Variants in CHODL observed in about 807,000 individuals in gnomAD.
The protein encoded by CHODL is chondrolectin, also known as transmembrane protein MT75.
CHODL carries 29 observed loss-of-function variants against 34.5 expected under a neutral mutation model. The ratio of observed to expected loss-of-function variants is 0.84; its 90% CI spans 0.63 to 1.15. CHODL has a LOEUF of 1.15. Among genes scored for constraint, CHODL ranks in the 50% most tolerant of loss-of-function variants. The pLI, the probability that CHODL is intolerant of heterozygous loss-of-function variation, is 0.00. For missense variants in CHODL, 332 were observed against 332.5 expected, an observed-to-expected ratio of 1.00 and a Z score of 0.01; for synonymous variants, 125 against 116.1, an observed-to-expected ratio of 1.08 and a Z score of -0.49.
intron 2 of CHODL, among the ~76,000 whole-genome samples, chr21:18,185,101 G>A (rs1008852969): frequency 2.3e-4 from 35 of 152,038 alleles, no homozygotes; most frequent in African/African-American, 8.0e-4. Context: ...GTATACACGT[G>A]CCATGGTGGT....
At position 18,245,039 on chromosome 21, in the gene CHODL, A is replaced by C; in HGVS notation, c.-185A>C. 2.0e-6 allele frequency: 1 copy of C among 496,226 alleles called. No homozygotes were observed. The highest frequency in any genetic ancestry group is 3.4e-6 in the Non-Finnish European group (1 of 289,878). 30.7% of individuals were successfully genotyped at this position (496,226 alleles called of 1,614,324 possible). On this transcript the variant is annotated 5_prime_UTR_variant, in exon 1 of 6. Transcript: ENST00000299295. Reference sequence around the variant, plus strand: ...AGCCCCGCACATCCACGCGCGGCACAGGCGCGGCAGGCGGCAGGTCCCGGC... The same window carrying C: ...AGCCCCGCACATCCACGCGCGGCACCGGCGCGGCAGGCGGCAGGTCCCGGC...
chr21:18,083,898 G>C (rs774853281), intron 2 of CHODL, among the ~76,000 whole-genome samples: 4 of 152,174 alleles, frequency 2.6e-5, no homozygotes, highest in Non-Finnish European at 4.4e-5. Flanking sequence ...TTAGGTTAAT[G>C]CTGGAATGAG....
intron 2 of CHODL, among the ~76,000 whole-genome samples, chr21:18,193,844 A>G (rs573429163): frequency 2.0e-5 from 3 of 152,258 alleles, no homozygotes; most frequent in Admixed American, 2.0e-4. Flanking sequence ...TTTTCTGAGA[A>G]GGGAATTCAG....
At chr21:18,077,077 GA>G (rs1015731537) in intron 2 of CHODL, among the ~76,000 whole-genome samples, 4 of 152,206 alleles carry the variant, frequency 2.6e-5, no homozygotes, top group African/African-American at 4.8e-5. Flanking sequence ...AGTGAGTCTG[GA>G]AGGCAGGATT....
Position 18,257,755 on chromosome 21 carries a change from G to GCT in CHODL, c.547+628_547+629insCT, listed in dbSNP as rs562122097. Among the ~76,000 whole-genome samples the GCT allele has an allele frequency of 1.7e-4, 26 of 152,176 alleles. No homozygotes were observed. In the South Asian group the frequency reaches 3.1e-3, roughly 18 times the overall value. Reference sequence around the variant, plus strand: ...CACTACTTGTCATATGCAGCAAATGGGAATCTTACATTGACTTGAGCTATA... The same window carrying GCT: ...CACTACTTGTCATATGCAGCAAATGGCTGAATCTTACATTGACTTGAGCTATA... On this transcript the variant is annotated intron_variant, in intron 3 of 5. Transcript: ENST00000299295.
chr21:17,927,126 A>ATATATGTATATATATG (rs1418947136), intron 1 of CHODL, among the ~76,000 whole-genome samples: 28 of 113,336 alleles, frequency 2.5e-4, no homozygotes, highest in African/African-American at 1.0e-3. Flanking sequence ...GTATATATGT[A>ATATATGTATATATATG]TATATATGTA....
chr21:18,070,014 CTT>C (rs2064779448), intron 2 of CHODL, among the ~76,000 whole-genome samples: 1 of 77,608 alleles, frequency 1.3e-5, no homozygotes, highest in African/African-American at 4.1e-5. Flanking sequence ...CTTCCCTTCC[CTT>C]CCCTTCCCTC....
intron 2 of CHODL, among the ~76,000 whole-genome samples, chr21:18,156,118 G>T (rs2073031313): frequency 6.6e-6 from 1 of 152,126 alleles, no homozygotes; most frequent in African/African-American, 2.4e-5. Flanking sequence ...GAAAATCAAA[G>T]TGACTTGCCC....
At chr21:18,223,013 G>A (rs1017978082) in intron 2 of CHODL, among the ~76,000 whole-genome samples, 6 of 152,098 alleles carry the variant, frequency 3.9e-5, no homozygotes, top group African/African-American at 1.4e-4. Context: ...ATATGAAAAA[G>A]TAAAAAGAGC....
intron 2 of CHODL, among the ~76,000 whole-genome samples, chr21:18,211,014 C>T (rs2073767596): frequency 6.6e-6 from 1 of 152,044 alleles, no homozygotes; most frequent in African/African-American, 2.4e-5. Flanking sequence ...TTTTGACTTG[C>T]CTCAAAATAA....
At chr21:18,221,276 A>G (rs938024094) in intron 2 of CHODL, among the ~76,000 whole-genome samples, 1 of 151,952 alleles carries the variant, frequency 6.6e-6, no homozygotes, top group Admixed American at 6.6e-5. Flanking sequence ...TTTCTCATTG[A>G]GATCATTGTT....
At chr21:17,943,021 C>T (rs1293503572) in intron 1 of CHODL, among the ~76,000 whole-genome samples, 1 of 152,152 alleles carries the variant, frequency 6.6e-6, no homozygotes, top group Non-Finnish European at 1.5e-5. Context: ...TTGTAAGTTT[C>T]CTGAGGCCTC....
At chr21:18,086,927 A>G (rs1314426935) in intron 2 of CHODL, among the ~76,000 whole-genome samples, 1 of 152,132 alleles carries the variant, frequency 6.6e-6, no homozygotes, top group Admixed American at 6.5e-5. Context: ...CATGCAGGTG[A>G]TTGCAGTGGC....
At chr21:18,026,768 T>G (rs913658278) in intron 1 of CHODL, among the ~76,000 whole-genome samples, 1 of 152,216 alleles carries the variant, frequency 6.6e-6, no homozygotes, top group East Asian at 1.9e-4. Flanking sequence ...CTAAGTCGTT[T>G]CTGGAATGCT....
At chr21:18,132,642 A>C (rs186251448) in intron 2 of CHODL, among the ~76,000 whole-genome samples, 1 of 152,178 alleles carries the variant, frequency 6.6e-6, no homozygotes. Context: ...CATTCTCAGC[A>C]TAGGAGCACC....
chr21:17,930,145 C>T (rs927515276), intron 1 of CHODL, among the ~76,000 whole-genome samples: 1 of 152,044 alleles, frequency 6.6e-6, no homozygotes, highest in Non-Finnish European at 1.5e-5. Context: ...CCTTTGCACA[C>T]CTCAGTGGTG....
rs796596869 is a variant in CHODL, at chr21:18,211,215, G to A, written c.-44-45294G>A. Among the ~76,000 whole-genome samples, 6 of 151,242 alleles carry A rather than the reference G, an allele frequency of 4.0e-5. 1 individual carries two copies. Among genetic ancestry groups the A allele is most frequent in the African/African-American group, 1.5e-4 (6 of 41,100 alleles). On this transcript the variant is annotated intron_variant, in intron 2 of 6. Coordinates refer to the CHODL transcript ENST00000400127. ...CATTCCTGCTGTATTTTGTTCCATA[G>A]CACTTGTCATTCAGTAGCATAAAAT...
chr21:17,925,617 A>T (rs919502375), intron 1 of CHODL, among the ~76,000 whole-genome samples: 1 of 152,378 alleles, frequency 6.6e-6, no homozygotes, highest in East Asian at 1.9e-4. Context: ...GGAGATTTAA[A>T]TTATAGGAAC....
intron 1 of CHODL, among the ~76,000 whole-genome samples, chr21:18,249,809 T>C (rs2074213464): frequency 6.6e-6 from 1 of 152,080 alleles, no homozygotes; most frequent in African/African-American, 2.4e-5. Context: ...ACCTATGTCA[T>C]AGGATTGCTA....
Sources: allele counts gnomAD v4.1 joint callset (sites outside exome capture counted in the v4.1 genomes callset), GRCh38; gene constraint gnomAD v4.1.1; transcripts MANE v1.5; gene names NCBI Gene and HGNC (gene_info 2026-07-23, HGNC 2026-07-21).